The following ELFN1 variants were observed in gnomAD, a reference collection of about 807,000 sequenced individuals.
ELFN1 encodes the protein protein ELFN1.
Under a neutral mutation model 7.6 loss-of-function variants are expected in ELFN1, and 6 were observed. The observed-to-expected ratio is 0.79, with a 90% CI of 0.43 to 1.56. ELFN1 has a LOEUF of 1.56. ELFN1 is among the 40% of genes most tolerant of loss of function. The probability of loss-of-function intolerance (pLI) is 0.01; values close to 1 mark genes in which losing one functional copy is unlikely to be tolerated. For missense variants in ELFN1, 1,169 were observed against 1,232.2 expected (o/e 0.95, Z 0.77); for synonymous variants, 657 against 588.1 (o/e 1.12, Z -1.70).
intron 2 of ELFN1, among the ~76,000 whole-genome samples, chr7:1,689,678 GC>G (rs1249182550): frequency 6.6e-6 from 1 of 152,166 alleles, no homozygotes; most frequent in Admixed American, 6.5e-5. Flanking sequence ...TCCATTTACA[GC>G]GCCTTGAGCC....
chr7:1,735,950 A>G lies in ELFN1; in HGVS notation c.-293-8354A>G, dbSNP rs1338853539. Among the ~76,000 whole-genome samples the G allele has an allele frequency of 1.3e-5, 2 of 152,152 alleles. No individual in the cohort carries two copies. The highest frequency in any genetic ancestry group is 2.9e-5 in the Non-Finnish European group (2 of 68,014). On this transcript the variant is annotated intron_variant, in intron 3 of 3. Coordinates refer to ENST00000424383, the MANE Select transcript of ELFN1 (RefSeq NM_001128636.4). This position sits in a 1 kb window ranked among gnomAD's most constrained non-coding sequence, Gnocchi z 5.9. ...GAGGTTAAGTGACATGCCCAAGGTCACACAGCAGGCGCACGGCAGAGCCAA... is the reference window on the plus strand; with the variant it reads ...GAGGTTAAGTGACATGCCCAAGGTCGCACAGCAGGCGCACGGCAGAGCCAA...
chr7:1,745,992 A>G lies in ELFN1; in HGVS notation c.1396A>G (p.Ile466Val), dbSNP rs1255050107. Residue 466 changes from isoleucine to valine, a missense_variant, in exon 4 of 4, where the codon ATC becomes GTC. Transcript: ENST00000424383. ...CGCAGCTGGCAGCCTCAAGAAGACCATCATCGAGCTCAAGTACGGGCCAGA... is the reference window on the plus strand; with the variant it reads ...CGCAGCTGGCAGCCTCAAGAAGACCGTCATCGAGCTCAAGTACGGGCCAGA... ...AAAAGSLKKT[I>V]IELKYGPELE... is the part of the protein sequence containing the mutation. 3 of 1,543,894 alleles carry G rather than the reference A, an allele frequency of 1.9e-6. No individual in the cohort carries two copies. The highest frequency in any genetic ancestry group is 2.6e-6 in the Non-Finnish European group (3 of 1,142,720).
At position 1,746,760 on chromosome 7, in the gene ELFN1, C is replaced by A; in HGVS notation, c.2164C>A (p.Pro722Thr). Residue 722 changes from proline (P) to threonine (T), a missense_variant, in exon 4 of 4, where the codon CCG becomes ACG. Transcript: ENST00000424383. ...CGAGCCACCTGCGCCCCCCGGGCCA[C>A]CGCCGCCGCCTCCGCACGAGGGCCT... Reference protein sequence around the residue: ...PAEPPAPPGPPPPPPHEGLGR... With the variant: ...PAEPPAPPGPTPPPPHEGLGR... 1 of 1,504,798 alleles carries A rather than the reference C, an allele frequency of 6.6e-7. No individual in the cohort carries two copies. Among genetic ancestry groups the A allele is most frequent in the South Asian group, 1.2e-5 (1 of 80,394 alleles). The allele number at this position is 1,504,798 out of a possible 1,614,324, so 93.2% of individuals were successfully genotyped here.
At chr7:1,733,711 T>C (rs1272010604) in intron 3 of ELFN1, among the ~76,000 whole-genome samples, 1 of 152,162 alleles carries the variant, frequency 6.6e-6, no homozygotes, top group Non-Finnish European at 1.5e-5. Context: ...TGCTCATTTC[T>C]AACCTTCACC....
At chr7:1,681,046 G>C (rs1468978194) in intron 1 of ELFN1, among the ~76,000 whole-genome samples, 3 of 152,142 alleles carry the variant, frequency 2.0e-5, no homozygotes, top group Non-Finnish European at 2.9e-5. Context: ...CCAGCCTGTG[G>C]ATTTACATTT....
At chr7:1,687,348 A>ATT (rs540081522) in intron 1 of ELFN1, among the ~76,000 whole-genome samples, 3 of 146,632 alleles carry the variant, frequency 2.0e-5, no homozygotes, top group African/African-American at 7.5e-5. Flanking sequence ...ACCCTGTGGT[A>ATT]TTTTTTTTTT....
At chr7:1,711,582 GAGA>G (rs1236089666) in intron 3 of ELFN1, among the ~76,000 whole-genome samples, 3 of 37,406 alleles carry the variant, frequency 8.0e-5, no homozygotes, top group African/African-American at 2.7e-4. Flanking sequence ...GAGTGAGAGA[GAGA>G]GAGAGAGAGA....
Position 1,740,810 on chromosome 7 carries a change from G to A in ELFN1, c.-293-3494G>A, listed in dbSNP as rs1379627387. On this transcript the variant is annotated intron_variant, in intron 3 of 3. Coordinates refer to ENST00000424383, the MANE Select transcript of ELFN1 (RefSeq NM_001128636.4). The surrounding 1 kb of genome is among the most constrained non-coding windows in gnomAD (Gnocchi z 5.0). ...GTGTCTGTGCCTCAGTTTCCCCGCTGTAAAGTGAGCTGCAGAATGAAAACT... is the reference window on the plus strand; with the variant it reads ...GTGTCTGTGCCTCAGTTTCCCCGCTATAAAGTGAGCTGCAGAATGAAAACT... Among the ~76,000 whole-genome samples, 6 of 152,212 alleles carry A rather than the reference G, an allele frequency of 3.9e-5. No individual in the cohort carries two copies. Among genetic ancestry groups the A allele is most frequent in the African/African-American group, 1.4e-4 (6 of 41,452 alleles).
chr7:1,742,849 A>C (rs1216479414), intron 3 of ELFN1, among the ~76,000 whole-genome samples: 2 of 152,234 alleles, frequency 1.3e-5, no homozygotes, highest in East Asian at 3.8e-4. Flanking sequence ...AACCCATTTT[A>C]CATCATTATA....
intron 1 of ELFN1, among the ~76,000 whole-genome samples, chr7:1,674,496 C>T (rs1257683730): frequency 6.6e-6 from 1 of 152,108 alleles, no homozygotes; most frequent in Admixed American, 6.5e-5. Context: ...TCTAGCTGGC[C>T]CCTATAGGGT....
upstream of ELFN1, among the ~76,000 whole-genome samples, chr7:1,670,205 T>C (rs1464065346): frequency 1.3e-5 from 2 of 149,074 alleles, no homozygotes; most frequent in East Asian, 4.1e-4. This position sits in a 1 kb window ranked among gnomAD's most constrained non-coding sequence, Gnocchi z 6.4. Context: ...CGAGCTTGAA[T>C]TCCCCCCCGG....
chr7:1,711,725 C>G (rs1191835453), intron 3 of ELFN1, among the ~76,000 whole-genome samples: 1 of 152,198 alleles, frequency 6.6e-6, no homozygotes, highest in African/African-American at 2.4e-5. Flanking sequence ...CAGAGCAAAG[C>G]CCTGTGACAG....
intron 1 of ELFN1, among the ~76,000 whole-genome samples, chr7:1,680,568 C>T (rs1778955716): frequency 6.6e-6 from 1 of 152,110 alleles, no homozygotes. Context: ...CTTCCACTCT[C>T]CATCTGCAAG....
chr7:1,747,883 T>TAA lies in ELFN1; in HGVS notation c.*816_*817dup, dbSNP rs5881906. 391 of 144,062 alleles carry TAA rather than the reference T, an allele frequency of 2.7e-3. 6 individuals carry two copies. The South Asian group carries it at 0.038, about 14-fold the overall frequency. 8.9% of individuals were successfully genotyped at this position (144,062 alleles called of 1,614,324 possible). ...AGAAAGAAAAAAAGACTATGTCTACTAAAAAAAAAAAAAAAAAGACTATGT... is the reference window on the plus strand; with the variant it reads ...AGAAAGAAAAAAAGACTATGTCTACTAAAAAAAAAAAAAAAAAAAGACTATGT... On this transcript the variant is annotated 3_prime_UTR_variant, in exon 4 of 4. Coordinates refer to ENST00000424383, the MANE Select transcript of ELFN1 (RefSeq NM_001128636.4).
intron 3 of ELFN1, among the ~76,000 whole-genome samples, chr7:1,732,487 C>T (rs1179992386): frequency 1.3e-5 from 2 of 152,026 alleles, no homozygotes; most frequent in African/African-American, 4.8e-5. Context: ...GAAATCAGCC[C>T]GAGGGAATAG....
intron 2 of ELFN1, among the ~76,000 whole-genome samples, chr7:1,701,795 C>T (rs1779433146): frequency 6.6e-6 from 1 of 151,972 alleles, no homozygotes; most frequent in South Asian, 2.1e-4. Flanking sequence ...AGAGTGAGAC[C>T]CTATCTCAAT....
rs545040949 is a variant in ELFN1, at chr7:1,710,932, G to A, written c.-294+1680G>A. On this transcript the variant is annotated intron_variant, in intron 3 of 3. Coordinates refer to ENST00000424383, the MANE Select transcript of ELFN1 (RefSeq NM_001128636.4). ...GAGAAGGGAAGGGACTCACTCCTGA[G>A]ACCACCCAGCAAAATCTTCACAAAG... Among the ~76,000 whole-genome samples, 177 of 152,350 alleles carry A rather than the reference G, an allele frequency of 1.2e-3. 1 individual carries two copies. Among genetic ancestry groups the A allele is most frequent in the Middle Eastern group, 3.4e-3 (1 of 294 alleles).
Position 1,695,007 on chromosome 7 carries a change from G to A in ELFN1, c.-456+6857G>A, listed in dbSNP as rs1307120596. 6.6e-6 allele frequency among the ~76,000 whole-genome samples: 1 copy of A among 152,238 alleles called. No homozygotes were observed. The highest frequency in any genetic ancestry group is 1.5e-5 in the Non-Finnish European group (1 of 68,034). The stretch of plus-strand genomic sequence containing the variant: ...TCCAGCTCCCTGCCCTCCCTGTTGA[G>A]TGCTGCAGAGGGGCGTCGGGCGTCG... On this transcript the variant is annotated intron_variant, in intron 2 of 3. Transcript: ENST00000424383. The surrounding 1 kb of genome is among the most constrained non-coding windows in gnomAD (Gnocchi z 5.1).
intron 2 of ELFN1, among the ~76,000 whole-genome samples, chr7:1,707,917 C>G (rs1299216284): frequency 6.6e-6 from 1 of 152,190 alleles, no homozygotes. Flanking sequence ...CACAGGCAGA[C>G]AGACAGACCG....
Sources: allele counts gnomAD v4.1 joint callset (sites outside exome capture counted in the v4.1 genomes callset), GRCh38; gene constraint gnomAD v4.1.1; non-coding constraint Gnocchi (gnomAD v3.1); transcripts MANE v1.5; gene names NCBI Gene and HGNC (gene_info 2026-07-23, HGNC 2026-07-21).